Variants in BCAP31 observed in about 807,000 individuals in gnomAD.
BCAP31 encodes the protein B cell receptor associated protein 31.
For synonymous variants in BCAP31, 75 were observed against 80.9 expected (o/e 0.93, Z 0.39); for missense variants, 124 against 193.0 (o/e 0.64, Z 2.12).
chrX:153,716,675 G>A (rs2091631291), intron 3 of BCAP31, among the ~76,000 whole-genome samples: 1 of 110,361 alleles, frequency 9.1e-6, no homozygotes, highest in South Asian at 3.8e-4. Flanking sequence ...CAGGAAGATC[G>A]CTTGAGCCCA....
intron 7 of BCAP31, among the ~76,000 whole-genome samples, 159 bp downstream of exon 7, chrX:153,701,848 C>T (rs781857104): frequency 1.8e-5 from 2 of 113,039 alleles, no homozygotes; most frequent in East Asian, 5.6e-4. Context: ...CCCTCCTGCC[C>T]GGTGAAGGGT....
chrX:153,723,990 T>C (rs2091688799), intron 1 of BCAP31: 1 of 388,288 alleles, frequency 2.6e-6, no homozygotes, highest in African/African-American at 2.5e-5. Flanking sequence ...CTAGACGCAG[T>C]ATCCTCAGAA....
At chrX:153,709,217 C>T (rs1383571156) in intron 4 of BCAP31, among the ~76,000 whole-genome samples, 8 of 111,722 alleles carry the variant, frequency 7.2e-5, no homozygotes, top group African/African-American at 2.6e-4. Flanking sequence ...GATGACTCAA[C>T]CTAAAAAAGA....
intron 3 of BCAP31, 137 bp downstream of exon 3, chrX:153,720,735 A>G (rs2091659170): frequency 1.9e-6 from 1 of 537,347 alleles, no homozygotes. Flanking sequence ...TCCCTCCCTC[A>G]AGAGAAAGAC....
chrX:153,701,269 C>CGGA (rs2091516500), intron 7 of BCAP31, among the ~76,000 whole-genome samples: 1 of 112,179 alleles, frequency 8.9e-6, no homozygotes, highest in African/African-American at 3.2e-5. Flanking sequence ...CATCCAGTCC[C>CGGA]CTTCAAGACC....
chrX:153,716,915 C>T (rs1223377211), intron 3 of BCAP31, among the ~76,000 whole-genome samples: 3 of 112,737 alleles, frequency 2.7e-5, no homozygotes, highest in Non-Finnish European at 5.6e-5. Flanking sequence ...TCACACTCAT[C>T]GAAAGTTCAA....
chrX:153,722,599 ATCG>A (rs1433690310), intron 2 of BCAP31, among the ~76,000 whole-genome samples: 3 of 112,390 alleles, frequency 2.7e-5, no homozygotes, highest in Non-Finnish European at 5.6e-5. Context: ...TATTTGTAAT[ATCG>A]TAATTTAAAT....
chrX:153,708,787 G>A (rs1365926456), intron 4 of BCAP31, among the ~76,000 whole-genome samples: 1 of 112,889 alleles, frequency 8.9e-6, no homozygotes, highest in Non-Finnish European at 1.9e-5. Flanking sequence ...GAGTCACCTA[G>A]AGCAGACCCG....
chrX:153,715,481 G>A (rs941299968), intron 4 of BCAP31, 61 bp downstream of exon 4: 5 of 1,176,526 alleles, frequency 4.2e-6, no homozygotes, highest in Middle Eastern at 3.0e-4. Context: ...CACTGAGCTC[G>A]GTGTCCATGG....
intron 3 of BCAP31, 113 bp from the exon 4 acceptor site, chrX:153,715,802 G>A (rs951146098): frequency 1.2e-5 from 11 of 923,524 alleles, no homozygotes; most frequent in Admixed American, 9.3e-5. Context: ...CCTCAAATCC[G>A]CCTCCCCAGT....
At chrX:153,711,368 G>A (rs1239531653) in intron 4 of BCAP31, among the ~76,000 whole-genome samples, 1 of 111,765 alleles carries the variant, frequency 8.9e-6, no homozygotes, top group African/African-American at 3.3e-5. Flanking sequence ...CCCACTTCAG[G>A]CTCTCCTGCT....
At chrX:153,722,853 A>G (rs999481009) in intron 2 of BCAP31, among the ~76,000 whole-genome samples, 1 of 110,288 alleles carries the variant, frequency 9.1e-6, no homozygotes, top group African/African-American at 3.3e-5. Context: ...CCCGTGGACC[A>G]AGAGTGGGTG....
chrX:153,702,507 G>A (rs560084885), intron 6 of BCAP31: 4 of 174,716 alleles, frequency 2.3e-5, no homozygotes, highest in East Asian at 1.5e-4. Flanking sequence ...GGGGGAAAAC[G>A]CCCCAGACTT....
chrX:153,708,927 C>T (rs1434032959), intron 4 of BCAP31, among the ~76,000 whole-genome samples: 4 of 112,095 alleles, frequency 3.6e-5, no homozygotes, highest in African/African-American at 1.3e-4. Context: ...AAATGGAGGC[C>T]GTTTCAAATG....
In BCAP31 at chrX:153,723,645, G is replaced by A. The variant is rs781848286; in HGVS notation, c.-44-357C>T. On this transcript the variant is annotated intron_variant, in intron 1 of 7. Transcript: ENST00000345046. ...AAGAGCAGTGCCAGGGCACCAAGAG[G>A]AGGACGCCTCGGCACCCATCGGGCG... The A allele has an allele frequency of 3.6e-5, 42 of 1,162,841 alleles. No individual in the cohort carries two copies. The highest frequency in any genetic ancestry group is 4.6e-5 in the Non-Finnish European group (40 of 869,555).
chrX:153,722,371 G>A (rs1557051244), intron 2 of BCAP31, among the ~76,000 whole-genome samples: 1 of 111,488 alleles, frequency 9.0e-6, no homozygotes, highest in African/African-American at 3.3e-5. Flanking sequence ...TGCTTTTCCA[G>A]TTTCCTTTGT....
intron 4 of BCAP31, among the ~76,000 whole-genome samples, chrX:153,709,404 C>T (rs1289990826): frequency 2.7e-5 from 3 of 112,134 alleles, no homozygotes; most frequent in Non-Finnish European, 5.6e-5. Flanking sequence ...TGGCTGCTAA[C>T]CAGCACTTTG....
rs1460899967 is a variant in BCAP31 at position 153,720,912 on chromosome X, G to A, written c.153C>T (p.Phe51=). 8.3e-7 allele frequency: 1 copy of A among 1,211,735 alleles called. No homozygotes were observed. Residue 51 remains phenylalanine, a synonymous_variant, in exon 3 of 8, where the codon TTC becomes TTT. Coordinates refer to ENST00000345046, the MANE Select transcript of BCAP31 (RefSeq NM_001256447.2). The part of the protein sequence containing the change: ...VELLVSYGNT[F]FVVLIVILVL... Reference sequence around the variant, plus strand: ...CAAGGATGACAATGAGAACCACAAAGAAGGTGTTGCCATAGGACACTAACA... The same window carrying A: ...CAAGGATGACAATGAGAACCACAAAAAAGGTGTTGCCATAGGACACTAACA...
At chrX:153,709,282 C>T (rs1165052702) in intron 4 of BCAP31, among the ~76,000 whole-genome samples, 2 of 111,701 alleles carry the variant, frequency 1.8e-5, no homozygotes, top group Non-Finnish European at 3.8e-5. Flanking sequence ...CTAATGGCAG[C>T]GATGGGATTC....
Sources: allele counts gnomAD v4.1 joint callset (sites outside exome capture counted in the v4.1 genomes callset), GRCh38; gene constraint gnomAD v4.1.1; transcripts MANE v1.5; gene names NCBI Gene and HGNC (gene_info 2026-07-23, HGNC 2026-07-21).